CA8: variants seen among roughly 807,000 people sequenced by gnomAD.
CA8 encodes the protein carbonic anhydrase 8 (inactive).
Under a neutral mutation model 41.4 loss-of-function variants are expected in CA8, and 22 were observed. That is an observed-to-expected ratio of 0.53 (90% CI 0.38 to 0.76). The LOEUF (loss-of-function observed/expected upper bound fraction) is 0.76. Among genes scored for constraint, CA8 ranks in the 30% least tolerant of loss-of-function variants. CA8 has a pLI of 0.00. For missense variants in CA8, 270 were observed against 352.8 expected (o/e 0.77, Z 1.88); for synonymous variants, 121 against 130.6 (o/e 0.93, Z 0.50).
At chr8:60,227,077 G>T in intron 4 of CA8, 142 bp from the exon 5 acceptor site, 8 of 707,890 alleles carry the variant, frequency 1.1e-5, no homozygotes, top group South Asian at 4.5e-5. Flanking sequence ...GGATCACAAG[G>T]TTAGGAGATC....
chr8:60,218,921 C>T (rs1196609152), intron 7 of CA8, among the ~76,000 whole-genome samples: 1 of 151,962 alleles, frequency 6.6e-6, no homozygotes, highest in Non-Finnish European at 1.5e-5. Flanking sequence ...TAACCCCAGA[C>T]CCCTTCTCTG....
intron 8 of CA8, among the ~76,000 whole-genome samples, chr8:60,197,892 A>T (rs74601925): frequency 0.055 from 8,431 of 152,254 alleles, 254 homozygotes; most frequent in South Asian, 0.1. Flanking sequence ...ACAATTGGTT[A>T]AAAAAATGGC....
intron 8 of CA8, among the ~76,000 whole-genome samples, chr8:60,193,417 C>T (rs576871774): frequency 1.5e-4 from 23 of 152,146 alleles, no homozygotes; most frequent in Non-Finnish European, 4.4e-5. Flanking sequence ...CCTTTGCTGG[C>T]TCTCCTGTTT....
intron 8 of CA8, among the ~76,000 whole-genome samples, chr8:60,205,500 A>G (rs1806548128): frequency 6.6e-6 from 1 of 152,208 alleles, no homozygotes; most frequent in Non-Finnish European, 1.5e-5. Flanking sequence ...TTATTAAAAT[A>G]CATTTAGTTC....
At chr8:60,212,476 T>C (rs1187514216) in intron 7 of CA8, among the ~76,000 whole-genome samples, 1 of 152,212 alleles carries the variant, frequency 6.6e-6, no homozygotes, top group East Asian at 1.9e-4. Context: ...GGAGTGCAGG[T>C]ATCTCTTCAA....
intron 2 of CA8, among the ~76,000 whole-genome samples, chr8:60,266,324 C>G (rs1803900814): frequency 6.6e-6 from 1 of 152,142 alleles, no homozygotes; most frequent in African/African-American, 2.4e-5. Flanking sequence ...TGTTTTCAGT[C>G]TAGAAGTAGA....
At chr8:60,268,304 C>A (rs980282535) in intron 2 of CA8, among the ~76,000 whole-genome samples, 1 of 151,978 alleles carries the variant, frequency 6.6e-6, no homozygotes, top group Non-Finnish European at 1.5e-5. Flanking sequence ...ACACTCAGAA[C>A]ACACACACAC....
intron 8 of CA8, among the ~76,000 whole-genome samples, chr8:60,199,868 A>G (rs1806374028): frequency 6.6e-6 from 1 of 152,244 alleles, no homozygotes; most frequent in Non-Finnish European, 1.5e-5. Context: ...AAAGACCTTT[A>G]GTTAAAATGA....
intron 3 of CA8, among the ~76,000 whole-genome samples, chr8:60,259,035 T>G (rs1482464628): frequency 6.6e-6 from 1 of 152,224 alleles, no homozygotes; most frequent in Non-Finnish European, 1.5e-5. Context: ...AAAAACTCCC[T>G]GAGTTGTCTA....
At chr8:60,221,597 T>C (rs960205313) in intron 7 of CA8, among the ~76,000 whole-genome samples, 1 of 152,140 alleles carries the variant, frequency 6.6e-6, no homozygotes, top group Admixed American at 6.5e-5. Context: ...CAGTCTCTTA[T>C]AAGAACAAAT....
In CA8 at chr8:60,249,736, C is replaced by T. The variant is rs368496625; in HGVS notation, c.417+16189G>A. 3.0e-4 allele frequency among the ~76,000 whole-genome samples: 45 copies of T among 152,088 alleles called. No homozygotes were observed. The East Asian group carries it at 8.5e-3, about 29-fold the overall frequency. ...AAATAAAGACATGAAGAATATAAAC[C>T]AACTATGAATGATCATAAAATGTAT... On this transcript the variant is annotated intron_variant, in intron 3 of 8. Coordinates refer to ENST00000317995, the MANE Select transcript of CA8 (RefSeq NM_004056.6).
At chr8:60,201,815 T>C (rs990063249) in intron 8 of CA8, among the ~76,000 whole-genome samples, 10 of 152,194 alleles carry the variant, frequency 6.6e-5, no homozygotes, top group Admixed American at 2.6e-4. Context: ...TAGGTTTACT[T>C]CATTATTTCC....
At chr8:60,270,056 A>G (rs1804020845) in intron 2 of CA8, among the ~76,000 whole-genome samples, 1 of 152,244 alleles carries the variant, frequency 6.6e-6, no homozygotes, top group Non-Finnish European at 1.5e-5. Context: ...GAATAAAATC[A>G]AAAGTTAGCT....
intron 2 of CA8, among the ~76,000 whole-genome samples, chr8:60,267,598 G>A (rs557666102): frequency 1.3e-5 from 2 of 152,106 alleles, no homozygotes; most frequent in South Asian, 4.2e-4. Context: ...GGATGAAGAG[G>A]GGCTGAATGT....
At chr8:60,252,357 T>C (rs1037802503) in intron 3 of CA8, among the ~76,000 whole-genome samples, 1 of 152,214 alleles carries the variant, frequency 6.6e-6, no homozygotes, top group Non-Finnish European at 1.5e-5. Context: ...CAGAGGCATA[T>C]AGTACCCTGT....
chr8:60,270,043 G>A (rs1804020373), intron 2 of CA8, among the ~76,000 whole-genome samples: 1 of 152,188 alleles, frequency 6.6e-6, no homozygotes, highest in Admixed American at 6.5e-5. Context: ...GAGTGTTCTA[G>A]GAGAATAAAA....
intron 8 of CA8, among the ~76,000 whole-genome samples, chr8:60,197,571 C>A (rs1001923445): frequency 2.0e-5 from 3 of 152,162 alleles, no homozygotes; most frequent in African/African-American, 4.8e-5. Flanking sequence ...CAAGGTCACA[C>A]AACTAATTAC....
At chr8:60,280,564 T>C (rs753773751) in intron 1 of CA8, among the ~76,000 whole-genome samples, 14 of 152,208 alleles carry the variant, frequency 9.2e-5, no homozygotes, top group African/African-American at 2.9e-4. Context: ...GTCTGAAATT[T>C]AGGACATGTT....
At chr8:60,258,613 T>C (rs949632224) in intron 3 of CA8, among the ~76,000 whole-genome samples, 3 of 152,120 alleles carry the variant, frequency 2.0e-5, no homozygotes, top group African/African-American at 7.2e-5. Flanking sequence ...CATTGTAATA[T>C]ATAAGGAAAT....
Sources: gnomAD v4.1 joint callset for allele counts (sites outside exome capture counted in the v4.1 genomes callset) on GRCh38, gnomAD v4.1.1 for gene constraint, MANE v1.5 for transcripts, NCBI Gene and HGNC (gene_info 2026-07-23, HGNC 2026-07-21) for gene names.